The following BBS9 variants were observed in gnomAD, a reference collection of about 807,000 sequenced individuals.
BBS9 encodes protein PTHB1.
A neutral mutation model predicts 117.7 loss-of-function variants in BBS9; 89 were observed. The observed-to-expected ratio is 0.76, with a 90% CI of 0.64 to 0.90. The LOEUF is 0.90. Among genes scored for constraint, BBS9 ranks in the 40% least tolerant of loss-of-function variants. BBS9 has a pLI of 0.00. For missense variants in BBS9, 982 were observed against 1,042.2 expected (o/e 0.94, Z 0.80); for synonymous variants, 379 against 370.9 (o/e 1.02, Z -0.25).
chr7:33,496,201 A>G (rs753922787), intron 19 of BBS9, among the ~76,000 whole-genome samples: 39 of 152,258 alleles, frequency 2.6e-4, no homozygotes, highest in Non-Finnish European at 5.3e-4. Flanking sequence ...CCAAAATGAT[A>G]CTATGATTAA....
intron 19 of BBS9, among the ~76,000 whole-genome samples, chr7:33,472,685 C>G (rs538329951): frequency 2.0e-5 from 3 of 152,262 alleles, no homozygotes; most frequent in African/African-American, 7.2e-5. Flanking sequence ...AAATTAATGG[C>G]ATATTTAATT....
intron 19 of BBS9, among the ~76,000 whole-genome samples, chr7:33,495,505 T>C (rs780498489): frequency 1.3e-5 from 2 of 152,226 alleles, no homozygotes; most frequent in Admixed American, 6.5e-5. Flanking sequence ...TGTGGCATTC[T>C]CCAGGGCTTG....
chr7:33,489,331 C>CTTTTTTT (rs35199510), intron 19 of BBS9, among the ~76,000 whole-genome samples: 8 of 86,248 alleles, frequency 9.3e-5, no homozygotes, highest in East Asian at 3.6e-4. Context: ...CCACTTATGG[C>CTTTTTTT]TTTTTTTTTT....
At chr7:33,410,273 A>G (rs999816303) in intron 19 of BBS9, among the ~76,000 whole-genome samples, 1 of 152,140 alleles carries the variant, frequency 6.6e-6, no homozygotes, top group Non-Finnish European at 1.5e-5. Flanking sequence ...AGTACTGATC[A>G]TCTCAAATGT....
intron 12 of BBS9, among the ~76,000 whole-genome samples, chr7:33,345,364 G>A (rs546823750): frequency 6.6e-6 from 1 of 152,296 alleles, no homozygotes; most frequent in East Asian, 1.9e-4. Flanking sequence ...TGGAAGCAAG[G>A]GAAGGTTGTG....
chr7:33,234,465 AT>A (rs1309700246), intron 5 of BBS9, among the ~76,000 whole-genome samples: 2 of 151,892 alleles, frequency 1.3e-5, no homozygotes, highest in Non-Finnish European at 2.9e-5. Context: ...TATAGTTAGC[AT>A]TTTTTCCTTC....
At chr7:33,135,235 G>C (rs1790281756) in intron 1 of BBS9, among the ~76,000 whole-genome samples, 1 of 152,116 alleles carries the variant, frequency 6.6e-6, no homozygotes, top group Non-Finnish European at 1.5e-5. Context: ...TCAAATCTAA[G>C]AATCCATTGC....
chr7:33,336,215 T>G (rs1815325518), intron 9 of BBS9, among the ~76,000 whole-genome samples: 1 of 152,242 alleles, frequency 6.6e-6, no homozygotes, highest in South Asian at 2.1e-4. Flanking sequence ...TTATAATAAT[T>G]AAGCTTTTTT....
At chr7:33,368,715 G>A (rs575482043) in intron 17 of BBS9, among the ~76,000 whole-genome samples, 1 of 151,954 alleles carries the variant, frequency 6.6e-6, no homozygotes, top group African/African-American at 2.4e-5. Context: ...TGCATTTGCA[G>A]TTGTAGTTGG....
intron 20 of BBS9, among the ~76,000 whole-genome samples, chr7:33,529,609 C>T (rs1585143114): frequency 1.3e-5 from 2 of 152,180 alleles, no homozygotes; most frequent in East Asian, 1.9e-4. Flanking sequence ...CTTCCCTCCC[C>T]TCCTCTCCCA....
At chr7:33,441,387 C>T (rs1363369868) in intron 19 of BBS9, among the ~76,000 whole-genome samples, 4 of 152,148 alleles carry the variant, frequency 2.6e-5, no homozygotes, top group East Asian at 1.9e-4. Context: ...CAAACTGAGG[C>T]GAGACGCTAG....
At chr7:33,332,777 T>A (rs1814407183) in intron 9 of BBS9, among the ~76,000 whole-genome samples, 1 of 152,234 alleles carries the variant, frequency 6.6e-6, no homozygotes, top group Admixed American at 6.5e-5. Flanking sequence ...TATATTATCA[T>A]TCTTGATACA....
At position 33,383,842 on chromosome 7, in the gene BBS9, T is replaced by C; in HGVS notation, c.1962+4T>C. The C allele has an allele frequency of 6.2e-7, 1 of 1,610,218 alleles. No individual in the cohort carries two copies. Among genetic ancestry groups the C allele is most frequent in the Non-Finnish European group, 8.5e-7 (1 of 1,178,556 alleles). ...GTTGATTGATCATCATTTTGAGGTA[T>C]GTATGATCATAACCCACATCATCTA... is the stretch of plus-strand genomic sequence containing the variant. On this transcript the variant is annotated splice_donor_region_variant and intron_variant, in intron 18 of 22. Transcript: ENST00000242067.
intron 9 of BBS9, among the ~76,000 whole-genome samples, chr7:33,301,404 C>G (rs1325775606): frequency 6.6e-6 from 1 of 151,866 alleles, no homozygotes; most frequent in Admixed American, 6.6e-5. Context: ...TTAACCATCC[C>G]CATTTCCTCC....
At chr7:33,373,289 A>G (rs561874772) in intron 17 of BBS9, among the ~76,000 whole-genome samples, 1 of 152,288 alleles carries the variant, frequency 6.6e-6, no homozygotes, top group South Asian at 2.1e-4. Flanking sequence ...TCATCAAAAT[A>G]ATTCGATGAT....
chr7:33,471,157 A>G (rs937829968), intron 19 of BBS9, among the ~76,000 whole-genome samples: 9 of 152,174 alleles, frequency 5.9e-5, no homozygotes, highest in African/African-American at 1.7e-4. Context: ...TTGCTGACTT[A>G]TCCAAGCTGT....
intron 19 of BBS9, among the ~76,000 whole-genome samples, chr7:33,391,830 A>G (rs921905553): frequency 1.3e-5 from 2 of 152,142 alleles, no homozygotes; most frequent in Non-Finnish European, 2.9e-5. Context: ...AGTTTTACCA[A>G]TTTATCATTT....
Position 33,543,830 on chromosome 7 carries a change from C to T in BBS9, c.2521+9654C>T, listed in dbSNP as rs559310863. On this transcript the variant is annotated intron_variant, in intron 21 of 22. Transcript: ENST00000242067. ...GAATTCTCTTCTTCCTCGGGTATAC[C>T]GATTATTCTTAGGTTTGTTCATTTT... Among the ~76,000 whole-genome samples the T allele has an allele frequency of 4.8e-4, 73 of 152,216 alleles. 1 individual carries two copies. The highest frequency in any genetic ancestry group is 3.4e-3 in the Middle Eastern group (1 of 294).
intron 9 of BBS9, among the ~76,000 whole-genome samples, chr7:33,300,145 G>C (rs1475923873): frequency 6.6e-6 from 1 of 152,114 alleles, no homozygotes; most frequent in African/African-American, 2.4e-5. Context: ...CATCTGATAG[G>C]AGCTGTTGCC....
Sources: gnomAD v4.1 joint callset for allele counts (sites outside exome capture counted in the v4.1 genomes callset) on GRCh38, gnomAD v4.1.1 for gene constraint, MANE v1.5 for transcripts, NCBI Gene and HGNC (gene_info 2026-07-23, HGNC 2026-07-21) for gene names.